HIBCH: variants seen among roughly 807,000 people sequenced by gnomAD.
HIBCH encodes 3-hydroxyisobutyryl-CoA hydrolase, mitochondrial.
HIBCH carries 50 observed loss-of-function variants against 58.2 expected under a neutral mutation model. The observed-to-expected ratio is 0.86, with a 90% CI of 0.68 to 1.09. The LOEUF (loss-of-function observed/expected upper bound fraction) is 1.09, where lower values mean the gene tolerates loss of function less well. Ranked by LOEUF, HIBCH falls within the 50% of genes least tolerant of loss-of-function variation. The probability of loss-of-function intolerance (pLI) is 0.00; values close to 1 mark genes in which losing one functional copy is unlikely to be tolerated. For synonymous variants in HIBCH, 151 were observed against 146.9 expected (o/e 1.03, Z -0.20); for missense variants, 450 against 449.7 (o/e 1.00, Z -0.01).
intron 2 of HIBCH, among the ~76,000 whole-genome samples, chr2:190,299,691 T>C (rs1688209593): frequency 6.6e-6 from 1 of 152,186 alleles, no homozygotes; most frequent in African/African-American, 2.4e-5. Context: ...TTAACTTTTA[T>C]TTTAGGTTCA....
intron 11 of HIBCH, among the ~76,000 whole-genome samples, chr2:190,240,696 T>C (rs993657798): frequency 2.0e-5 from 3 of 152,190 alleles, no homozygotes; most frequent in South Asian, 2.1e-4. Context: ...TTTGTTCTCA[T>C]TGGTTTCAAA....
chr2:190,277,058 C>A (rs952229239), intron 6 of HIBCH, among the ~76,000 whole-genome samples: 13 of 152,064 alleles, frequency 8.5e-5, no homozygotes, highest in African/African-American at 3.1e-4. Flanking sequence ...GAAAATGCAA[C>A]CCCAGATGTT....
intron 6 of HIBCH, among the ~76,000 whole-genome samples, chr2:190,272,109 C>T (rs1435482634): frequency 6.6e-6 from 1 of 152,192 alleles, no homozygotes; most frequent in African/African-American, 2.4e-5. Flanking sequence ...CCCTACACTA[C>T]CCCCATCACT....
At chr2:190,245,153 T>C in intron 10 of HIBCH, 185 bp from the exon 11 acceptor site, 1 of 581,414 alleles carries the variant, frequency 1.7e-6, no homozygotes, top group Non-Finnish European at 3.1e-6. Flanking sequence ...CCGTCTACCT[T>C]CACTAACATA....
intron 11 of HIBCH, among the ~76,000 whole-genome samples, chr2:190,238,301 G>C (rs1174134071): frequency 1.3e-5 from 2 of 152,178 alleles, no homozygotes; most frequent in African/African-American, 4.8e-5. Flanking sequence ...GTGTAAAAGT[G>C]TACCTATTTC....
At chr2:190,226,169 C>T (rs969219656) in intron 11 of HIBCH, among the ~76,000 whole-genome samples, 1 of 152,170 alleles carries the variant, frequency 6.6e-6, no homozygotes, top group Non-Finnish European at 1.5e-5. Flanking sequence ...TGGGCAAAAA[C>T]TGGAAGCATT....
intron 1 of HIBCH, among the ~76,000 whole-genome samples, chr2:190,314,530 G>A (rs902497947): frequency 1.3e-5 from 2 of 151,996 alleles, no homozygotes. Context: ...CCAGGCTGCA[G>A]CGCAGTGGCA....
At chr2:190,201,066 T>G (rs1453064139), downstream of HIBCH, 1 of 166,552 alleles carries the variant, frequency 6.0e-6, no homozygotes, top group African/African-American at 2.4e-5. Context: ...AGATAATGCA[T>G]GAAGATTTAC....
chr2:190,223,125 T>C (rs1162003379), intron 11 of HIBCH, among the ~76,000 whole-genome samples: 1 of 151,670 alleles, frequency 6.6e-6, no homozygotes, highest in African/African-American at 2.4e-5. Context: ...CTGTTGGGAG[T>C]TGGGGGTTAG....
At chr2:190,258,719 A>G (rs1382264351) in intron 7 of HIBCH, among the ~76,000 whole-genome samples, 1 of 152,102 alleles carries the variant, frequency 6.6e-6, no homozygotes, top group African/African-American at 2.4e-5. Context: ...TCATTTTCCC[A>G]TATGTTTTCT....
At position 190,204,951 on chromosome 2, in the gene HIBCH, T is replaced by G; in HGVS notation, c.*166A>C. The G allele has an allele frequency of 3.2e-6, 2 of 630,934 alleles. No individual in the cohort carries two copies. The highest frequency in any genetic ancestry group is 5.7e-6 in the Non-Finnish European group (2 of 351,654). 39.1% of individuals were successfully genotyped at this position (630,934 alleles called of 1,614,324 possible). A position where few individuals can be genotyped will look rare whatever the true frequency, so the allele number is the denominator to read the frequency against. On this transcript the variant is annotated 3_prime_UTR_variant, in exon 14 of 14. Coordinates refer to ENST00000359678, the MANE Select transcript of HIBCH (RefSeq NM_014362.4). ...CTTTATTTGTGAATTCTGATAATTTTCACGTCATGAATTATTAGTCTTTGA... is the reference window on the plus strand; with the variant it reads ...CTTTATTTGTGAATTCTGATAATTTGCACGTCATGAATTATTAGTCTTTGA...
rs1690478709 is a variant in HIBCH at position 190,209,922 on chromosome 2, G to C, written c.1012-1009C>G. ...AAAGGTAATTTATATATCCATCCTA[G>C]GATTATTTTAATCCACATCCAAGCA... On this transcript the variant is annotated intron_variant, in intron 12 of 13. Coordinates refer to ENST00000359678, the MANE Select transcript of HIBCH (RefSeq NM_014362.4). The surrounding 1 kb of genome is among the most constrained non-coding windows in gnomAD (Gnocchi z 5.6). Among the ~76,000 whole-genome samples, 1 of 152,060 alleles carries C rather than the reference G, an allele frequency of 6.6e-6. No individual in the cohort carries two copies. The highest frequency in any genetic ancestry group is 1.5e-5 in the Non-Finnish European group (1 of 68,018).
At chr2:190,282,726 G>A (rs1018826937) in intron 6 of HIBCH, among the ~76,000 whole-genome samples, 7 of 151,282 alleles carry the variant, frequency 4.6e-5, no homozygotes, top group African/African-American at 1.7e-4. Context: ...AAAAGAGACT[G>A]TTCACTTCCA....
intron 7 of HIBCH, among the ~76,000 whole-genome samples, chr2:190,257,845 G>A (rs768901591): frequency 6.6e-6 from 1 of 152,140 alleles, no homozygotes; most frequent in Non-Finnish European, 1.5e-5. Flanking sequence ...AAAACTGGAA[G>A]AGCCCCCATG....
intron 5 of HIBCH, among the ~76,000 whole-genome samples, chr2:190,288,503 A>T (rs1687885223): frequency 6.7e-6 from 1 of 150,290 alleles, no homozygotes; most frequent in Non-Finnish European, 1.5e-5. Flanking sequence ...ATAGAGTACA[A>T]CTATCTATGT....
At chr2:190,200,665 AATAAG>A (rs3830466), downstream of HIBCH, 544 of 170,682 alleles carry the variant, frequency 3.2e-3, 17 homozygotes, top group East Asian at 0.074. Flanking sequence ...CCCTGTCTTT[AATAAG>A]ATAAGATATT....
chr2:190,190,715 T>G (rs1196263518), intron 1 of HIBCH, among the ~76,000 whole-genome samples: 1 of 152,204 alleles, frequency 6.6e-6, no homozygotes, highest in Non-Finnish European at 1.5e-5. Context: ...GCACTGGGGT[T>G]TTTTAAATTT....
chr2:190,223,924 G>C (rs1248308611), intron 11 of HIBCH, among the ~76,000 whole-genome samples: 1 of 152,242 alleles, frequency 6.6e-6, no homozygotes, highest in Non-Finnish European at 1.5e-5. Flanking sequence ...AGTGGGTGCA[G>C]TCCACAGAAT....
At chr2:190,221,079 T>C (rs1417681731) in intron 11 of HIBCH, among the ~76,000 whole-genome samples, 1 of 137,578 alleles carries the variant, frequency 7.3e-6, no homozygotes, top group African/African-American at 2.4e-5. Flanking sequence ...CCCGTTTATC[T>C]GTGCTTGTTT....
Sources: gnomAD v4.1 joint callset for allele counts (sites outside exome capture counted in the v4.1 genomes callset) on GRCh38, gnomAD v4.1.1 for gene constraint, Gnocchi (gnomAD v3.1) non-coding constraint, MANE v1.5 for transcripts, NCBI Gene and HGNC (gene_info 2026-07-23, HGNC 2026-07-21) for gene names.